The following MISFA variants were observed in gnomAD, a reference collection of about 807,000 sequenced individuals.
MISFA encodes mitochondrial sheath formation-associated protein.
the MISFA span, chr11:18,609,756 G>A: frequency 1.1e-6 from 1 of 926,266 alleles, no homozygotes; most frequent in Non-Finnish European, 1.7e-6. Context: ...TTCTCCTTGA[G>A]TACCCAAGTA....
At chr11:18,606,902 C>G in the MISFA span, 1 of 336,224 alleles carries the variant, frequency 3.0e-6, no homozygotes, top group Non-Finnish European at 5.5e-6. Context: ...GCTCTGTCAC[C>G]CAGCCTGGAG....
chr11:18,603,158 G>A, the MISFA span: 28 of 398,910 alleles, frequency 7.0e-5, no homozygotes, highest in Non-Finnish European at 1.2e-4. Flanking sequence ...CTCATTGCAG[G>A]AACCATGTGG....
chr11:18,607,548 A>T, the MISFA span: 1 of 152,674 alleles, frequency 6.5e-6, no homozygotes, highest in African/African-American at 2.4e-5. Flanking sequence ...TAGAGAATAC[A>T]TTAAAAATCA....
At chr11:18,604,418 G>C in the MISFA span, among the ~76,000 whole-genome samples, 9 of 151,986 alleles carry the variant, frequency 5.9e-5, no homozygotes, top group African/African-American at 1.9e-4. Flanking sequence ...CACTTTGGGA[G>C]GCCAACACAG....
chr11:18,603,338 G>T, the MISFA span: 2 of 396,000 alleles, frequency 5.1e-6, no homozygotes, highest in Non-Finnish European at 8.9e-6. Context: ...GTAGCTGTTG[G>T]GAGGGTTCCC....
chr11:18,601,727 C>T, the MISFA span: 1 of 390,982 alleles, frequency 2.6e-6, no homozygotes, highest in South Asian at 1.4e-4. Context: ...GCATTTTTAA[C>T]GTCCCTTTTG....
the MISFA span, chr11:18,608,545 G>A: frequency 1.3e-5 from 2 of 152,118 alleles, no homozygotes; most frequent in Non-Finnish European, 2.9e-5. Flanking sequence ...CTTCCCCTAA[G>A]CCTCTGTACT....
the MISFA span, chr11:18,599,920 C>T: frequency 1.0e-5 from 4 of 398,854 alleles, no homozygotes; most frequent in African/African-American, 2.1e-5. Context: ...AATTGTTTTA[C>T]GTTTGATCAT....
the MISFA span, chr11:18,600,960 T>C: frequency 2.5e-6 from 1 of 396,774 alleles, no homozygotes; most frequent in East Asian, 3.6e-5. Context: ...GGATCAGTGG[T>C]TATTGGTAGG....
chr11:18,602,989 A>C, the MISFA span: 1 of 395,928 alleles, frequency 2.5e-6, no homozygotes, highest in South Asian at 1.4e-4. Context: ...TAGGCCACGA[A>C]GCTCCTTAGT....
At chr11:18,600,048 T>C in the MISFA span, 1 of 398,980 alleles carries the variant, frequency 2.5e-6, no homozygotes, top group Non-Finnish European at 4.4e-6. Context: ...CTGTGCTGGC[T>C]CATCTTCCTG....
At chr11:18,601,444 T>C in the MISFA span, 1 of 396,960 alleles carries the variant, frequency 2.5e-6, no homozygotes, top group Non-Finnish European at 4.4e-6. Flanking sequence ...ATTAATAGCA[T>C]TCTTTTTTTT....
the MISFA span, chr11:18,604,037 C>T: frequency 1.5e-5 from 4 of 274,192 alleles, no homozygotes; most frequent in East Asian, 5.9e-5. Flanking sequence ...TGCCATTCCC[C>T]TGCCTCAGCC....
chr11:18,609,864 A>T, the MISFA span: 1 of 1,614,044 alleles, frequency 6.2e-7, no homozygotes, highest in Non-Finnish European at 8.5e-7. Flanking sequence ...GCAGCAGCTA[A>T]CGCCTCTTCA....
chr11:18,607,295 A>G, the MISFA span: 2 of 152,886 alleles, frequency 1.3e-5, no homozygotes, highest in Admixed American at 6.5e-5. Context: ...AAAGTTCTGA[A>G]AGTAGCCTTA....
chr11:18,601,279 A>G, the MISFA span: 1 of 398,216 alleles, frequency 2.5e-6, no homozygotes, highest in Non-Finnish European at 4.4e-6. Flanking sequence ...TCCTCTGGAA[A>G]ATATAATAAA....
chr11:18,600,920 C>T, the MISFA span, among the ~76,000 whole-genome samples: 3 of 152,184 alleles, frequency 2.0e-5, no homozygotes, highest in East Asian at 1.9e-4. Flanking sequence ...TGCTGGAGAC[C>T]GTATTTGACT....
chr11:18,605,481 G>T, the MISFA span, among the ~76,000 whole-genome samples: 1 of 152,056 alleles, frequency 6.6e-6, no homozygotes, highest in African/African-American at 2.4e-5. Flanking sequence ...TATTTGGGAA[G>T]TTTGCTTAAC....
At chr11:18,603,916 A>ATTT in the MISFA span, 6 of 141,880 alleles carry the variant, frequency 4.2e-5, no homozygotes, top group African/African-American at 3.0e-4. Context: ...AAGTTACCGC[A>ATTT]CTTTTTTTTT....
Sources: allele counts gnomAD v4.1 joint callset (sites outside exome capture counted in the v4.1 genomes callset), GRCh38; gene constraint gnomAD v4.1.1; transcripts MANE v1.5; gene names NCBI Gene and HGNC (gene_info 2026-07-23, HGNC 2026-07-21).